GABBR2: variants seen among roughly 807,000 people sequenced by gnomAD.
GABBR2 encodes the protein gamma-aminobutyric acid type B receptor subunit 2.
Under a neutral mutation model 105.6 loss-of-function variants are expected in GABBR2, and 23 were observed. The observed-to-expected ratio is 0.22, with a 90% CI of 0.16 to 0.31. The LOEUF (loss-of-function observed/expected upper bound fraction) is 0.31, where lower values mean the gene tolerates loss of function less well. Among genes scored for constraint, GABBR2 ranks in the 10% least tolerant of loss-of-function variants. GABBR2 has a pLI of 1.00. For missense variants in GABBR2, 734 were observed against 1,245.5 expected, an observed-to-expected ratio of 0.59 and a Z score of 6.18; for synonymous variants, 478 against 499.7, an observed-to-expected ratio of 0.96 and a Z score of 0.58.
chr9:98,293,309 G>A (rs73490766), intron 18 of GABBR2, among the ~76,000 whole-genome samples: 2,209 of 152,136 alleles, frequency 0.015, 42 homozygotes, highest in African/African-American at 0.051. Context: ...AGCTCCTATT[G>A]TTTGACATGC....
intron 1 of GABBR2, among the ~76,000 whole-genome samples, chr9:98,651,592 C>A (rs1396627979): frequency 1.3e-5 from 2 of 151,992 alleles, no homozygotes; most frequent in Admixed American, 1.3e-4. Flanking sequence ...ACACCATCAA[C>A]CTTGGCTAAT....
At chr9:98,565,432 G>A (rs1685622925) in intron 2 of GABBR2, among the ~76,000 whole-genome samples, 2 of 152,270 alleles carry the variant, frequency 1.3e-5, no homozygotes, top group African/African-American at 4.8e-5. Context: ...GGCACTGATG[G>A]CTCTGAGCCA....
At chr9:98,601,669 C>A (rs1192499957) in intron 1 of GABBR2, among the ~76,000 whole-genome samples, 26 of 152,102 alleles carry the variant, frequency 1.7e-4, no homozygotes, top group Non-Finnish European at 1.3e-4. Flanking sequence ...TTCTTTAAAA[C>A]AACAAAGTCA....
intron 7 of GABBR2, among the ~76,000 whole-genome samples, chr9:98,447,171 C>T (rs866911122): frequency 1.6e-4 from 20 of 124,318 alleles, no homozygotes; most frequent in African/African-American, 5.9e-4. Flanking sequence ...ACGCCATTCT[C>T]CTGCCTCAGC....
At chr9:98,591,821 C>T (rs777202240) in intron 1 of GABBR2, among the ~76,000 whole-genome samples, 26 of 150,774 alleles carry the variant, frequency 1.7e-4, no homozygotes, top group Non-Finnish European at 3.4e-4. Flanking sequence ...GATATGAGCT[C>T]CAGACCTGCC....
intron 1 of GABBR2, among the ~76,000 whole-genome samples, chr9:98,624,631 C>T (rs1005043723): frequency 2.0e-5 from 3 of 151,258 alleles, no homozygotes; most frequent in Non-Finnish European, 1.5e-5. Flanking sequence ...CTGGTAGCAG[C>T]CAAGGAAGCA....
intron 3 of GABBR2, among the ~76,000 whole-genome samples, chr9:98,507,469 C>T (rs1427407821): frequency 1.3e-5 from 2 of 152,110 alleles, no homozygotes; most frequent in Non-Finnish European, 2.9e-5. Flanking sequence ...AAACATTCTC[C>T]CCTAAAGCCT....
At chr9:98,643,311 C>T (rs1255662934) in intron 1 of GABBR2, among the ~76,000 whole-genome samples, 1 of 152,130 alleles carries the variant, frequency 6.6e-6, no homozygotes, top group Non-Finnish European at 1.5e-5. Context: ...ACAGGGGTGG[C>T]TACACAGGTT....
chr9:98,658,215 G>C (rs187652857), intron 1 of GABBR2, among the ~76,000 whole-genome samples: 1 of 152,134 alleles, frequency 6.6e-6, no homozygotes, highest in African/African-American at 2.4e-5. Context: ...CTACCACCAC[G>C]GGCGGTTTCC....
intron 13 of GABBR2, among the ~76,000 whole-genome samples, chr9:98,347,481 T>G (rs1195928407): frequency 6.6e-6 from 1 of 152,186 alleles, no homozygotes; most frequent in Non-Finnish European, 1.5e-5. Context: ...AGTCCCTTGT[T>G]GGATAAATAG....
At position 98,582,010 on chromosome 9, in the gene GABBR2, C is replaced by T. The variant is rs143358074; in HGVS notation, c.322-3938G>A. On this transcript the variant is annotated intron_variant, in intron 1 of 18. Coordinates refer to ENST00000259455, the MANE Select transcript of GABBR2 (RefSeq NM_005458.8). The stretch of plus-strand genomic sequence containing the variant: ...GTATTGGAGCTGGAGAATCTTACAA[C>T]GTTCCCAAATATTTATCTGACTGAA... 5.9e-5 allele frequency among the ~76,000 whole-genome samples: 9 copies of T among 152,284 alleles called. No individual in the cohort carries two copies. The East Asian group carries it at 1.3e-3, about 23-fold the overall frequency.
At chr9:98,581,282 G>A (rs150324019) in intron 1 of GABBR2, 2 of 152,512 alleles carry the variant, frequency 1.3e-5, no homozygotes, top group Non-Finnish European at 2.9e-5. Context: ...AGTGAGACGG[G>A]AACAGAAACA....
chr9:98,574,372 G>T (rs1307969324), intron 2 of GABBR2, among the ~76,000 whole-genome samples: 1 of 152,196 alleles, frequency 6.6e-6, no homozygotes, highest in East Asian at 1.9e-4. Flanking sequence ...CTCACTTTGG[G>T]GGATGCCAGC....
intron 1 of GABBR2, among the ~76,000 whole-genome samples, chr9:98,659,035 G>T (rs1302346493): frequency 6.6e-6 from 1 of 152,160 alleles, no homozygotes; most frequent in East Asian, 1.9e-4. Flanking sequence ...TTATAAAGCT[G>T]CAATGGTGGT....
Position 98,290,723 on chromosome 9 carries a change from A to G in GABBR2, c.2687T>C (p.Leu896Pro). 6.7e-7 allele frequency: 1 copy of G among 1,489,978 alleles called. No individual in the cohort carries two copies. Among genetic ancestry groups the G allele is most frequent in the Non-Finnish European group, 8.8e-7 (1 of 1,131,462 alleles). 92.3% of individuals were successfully genotyped at this position (1,489,978 alleles called of 1,614,324 possible). A position where few individuals can be genotyped will look rare whatever the true frequency, so the allele number is the denominator to read the frequency against. ...EHIQRRLSLQLPILHHAYLPS... is the reference protein window; with the variant it reads ...EHIQRRLSLQPPILHHAYLPS... ...GAGGTAGGCGTGGTGGAGGATGGGG[A>G]GCTGGAGGGACAGCCGACGCTGGAT... Residue 896 changes from leucine to proline, a missense_variant, in exon 19 of 19, where the codon CTC becomes CCC. Around this residue, in one of 7 missense-constraint regions of GABBR2, gnomAD observed 134 missense variants for 171.2 expected, o/e 0.78. Transcript: ENST00000259455.
intron 1 of GABBR2, among the ~76,000 whole-genome samples, chr9:98,682,860 G>A (rs748743143): frequency 8.0e-5 from 12 of 149,768 alleles, no homozygotes; most frequent in Non-Finnish European, 1.6e-4. Flanking sequence ...TTTATCAACT[G>A]CCCAATTGAC....
At chr9:98,490,139 T>C (rs190904134) in intron 4 of GABBR2, among the ~76,000 whole-genome samples, 2 of 152,286 alleles carry the variant, frequency 1.3e-5, no homozygotes, top group Admixed American at 1.3e-4. Flanking sequence ...GAAACAGTTC[T>C]GGAAGTGGAT....
chr9:98,497,309 G>C (rs1324674197), intron 3 of GABBR2, among the ~76,000 whole-genome samples: 1 of 152,164 alleles, frequency 6.6e-6, no homozygotes, highest in Non-Finnish European at 1.5e-5. Flanking sequence ...GTTGGTTGCT[G>C]AGTTAGAATG....
chr9:98,539,016 G>A (rs1828237532), intron 3 of GABBR2, among the ~76,000 whole-genome samples: 1 of 152,220 alleles, frequency 6.6e-6, no homozygotes, highest in African/African-American at 2.4e-5. Context: ...AACCCTGGCT[G>A]AGGGCCCCGA....
Sources: allele counts gnomAD v4.1 joint callset (sites outside exome capture counted in the v4.1 genomes callset), GRCh38; gene constraint gnomAD v4.1.1; regional missense constraint gnomAD v4.1.1; transcripts MANE v1.5; gene names NCBI Gene and HGNC (gene_info 2026-07-23, HGNC 2026-07-21).